Variants in EFCAB5 observed in about 807,000 individuals in gnomAD.
EFCAB5 encodes the protein EF-hand calcium-binding domain-containing protein 5.
Under a neutral mutation model 167.9 loss-of-function variants are expected in EFCAB5, and 131 were observed. The observed-to-expected ratio is 0.78, with a 90% CI of 0.68 to 0.90. EFCAB5 has a LOEUF of 0.90. EFCAB5 is among the 40% of genes least tolerant of loss of function. EFCAB5 has a pLI of 0.00. For synonymous variants in EFCAB5, 574 were observed against 602.8 expected, an observed-to-expected ratio of 0.95 and a Z score of 0.70; for missense variants, 1,663 against 1,745.2, an observed-to-expected ratio of 0.95 and a Z score of 0.84.
At chr17:30,084,649 C>A (rs539234492) in intron 18 of EFCAB5, among the ~76,000 whole-genome samples, 8 of 152,168 alleles carry the variant, frequency 5.3e-5, no homozygotes, top group Non-Finnish European at 1.2e-4. Flanking sequence ...AAGCACTCAA[C>A]GATCATAACT....
rs575015246 is a variant in EFCAB5, at chr17:29,944,029, C to T, written c.190+380C>T. Among the ~76,000 whole-genome samples, 4 of 152,128 alleles carry T rather than the reference C, an allele frequency of 2.6e-5. No homozygotes were observed. The South Asian group carries it at 6.2e-4, about 24-fold the overall frequency. Reference sequence around the variant, plus strand: ...TATCATTAACATTTTACTGGGGATGCGTTCTTCAAGATTTTGCATTTTAAA... The same window carrying T: ...TATCATTAACATTTTACTGGGGATGTGTTCTTCAAGATTTTGCATTTTAAA... On this transcript the variant is annotated intron_variant, in intron 3 of 22. Coordinates refer to ENST00000394835, the MANE Select transcript of EFCAB5 (RefSeq NM_198529.4).
chr17:30,064,384 T>C (rs1444185019), intron 14 of EFCAB5, among the ~76,000 whole-genome samples: 2 of 151,816 alleles, frequency 1.3e-5, no homozygotes, highest in African/African-American at 4.8e-5. Flanking sequence ...AAAAATACAA[T>C]AGAGAGCTTC....
intron 22 of EFCAB5, among the ~76,000 whole-genome samples, chr17:30,104,738 A>C (rs544833372): frequency 1.3e-5 from 2 of 152,256 alleles, no homozygotes; most frequent in African/African-American, 4.8e-5. Flanking sequence ...GGCTCATTAG[A>C]GGAATCGTTA....
intron 7 of EFCAB5, among the ~76,000 whole-genome samples, chr17:30,006,098 C>T (rs747621107): frequency 1.3e-5 from 2 of 152,110 alleles, no homozygotes; most frequent in Non-Finnish European, 2.9e-5. Flanking sequence ...TGTATAAAAC[C>T]AAACTGTAAT....
In EFCAB5 at chr17:30,003,660, TTTTA is replaced by T. The variant is rs539054376; in HGVS notation, c.1044+3688_1044+3691del. Among the ~76,000 whole-genome samples, 892 of 152,306 alleles carry T rather than the reference TTTTA, an allele frequency of 5.9e-3. 7 individuals are homozygous for T. The highest frequency in any genetic ancestry group is 0.02 in the Middle Eastern group (6 of 294). On this transcript the variant is annotated intron_variant, in intron 7 of 22. Coordinates refer to ENST00000394835, the MANE Select transcript of EFCAB5 (RefSeq NM_198529.4). The stretch of plus-strand genomic sequence containing the variant: ...CAAAATTTTCGTTTTTCTTCATGTC[TTTTA>T]TTTCTTTGCTGAGACTTTTAAGTTT...
chr17:30,067,334 G>C (rs2070600089), intron 14 of EFCAB5, among the ~76,000 whole-genome samples: 1 of 152,126 alleles, frequency 6.6e-6, no homozygotes, highest in Admixed American at 6.5e-5. Context: ...TAAAAGAAAG[G>C]CTGGGTGTGG....
At chr17:30,069,013 G>A in intron 14 of EFCAB5, 3 of 1,419,148 alleles carry the variant, frequency 2.1e-6, no homozygotes, top group Non-Finnish European at 3.0e-6. Context: ...GCAAGTGAAG[G>A]AGCACAGGAC....
chr17:29,990,619 A>T (rs1454433315), intron 4 of EFCAB5, among the ~76,000 whole-genome samples: 1 of 152,222 alleles, frequency 6.6e-6, no homozygotes, highest in East Asian at 1.9e-4. Context: ...ATTCTTTAAC[A>T]GTCTCATTAC....
chr17:30,082,633 C>T (rs1312447693), intron 17 of EFCAB5, among the ~76,000 whole-genome samples: 4 of 152,010 alleles, frequency 2.6e-5, no homozygotes, highest in Admixed American at 6.5e-5. Flanking sequence ...TCAAGTGATC[C>T]GCCCTGCCTT....
chr17:30,050,564 G>A (rs370480505), intron 8 of EFCAB5, among the ~76,000 whole-genome samples: 60 of 152,256 alleles, frequency 3.9e-4, no homozygotes, highest in African/African-American at 1.3e-3. Flanking sequence ...GGAGTGGCTA[G>A]GACTACAGGT....
chr17:29,989,025 T>C (rs1328763801), intron 4 of EFCAB5, among the ~76,000 whole-genome samples: 4 of 152,190 alleles, frequency 2.6e-5, no homozygotes, highest in African/African-American at 7.2e-5. Context: ...TAGAATCTCC[T>C]CTAAGGATAG....
intron 4 of EFCAB5, among the ~76,000 whole-genome samples, chr17:29,976,052 G>A (rs147093873): frequency 0.013 from 1,990 of 152,260 alleles, 63 homozygotes; most frequent in Admixed American, 0.073. Context: ...TTCTTGCAGT[G>A]CAATAAATTA....
chr17:30,053,236 A>G lies in EFCAB5; in HGVS notation c.1301-19A>G. The G allele has an allele frequency of 6.4e-7, 1 of 1,565,918 alleles. No individual in the cohort carries two copies. Among genetic ancestry groups the G allele is most frequent in the Non-Finnish European group, 8.6e-7 (1 of 1,158,010 alleles). On this transcript the variant is annotated intron_variant, in intron 9 of 22. Coordinates refer to ENST00000394835, the MANE Select transcript of EFCAB5 (RefSeq NM_198529.4). ...TATAAGATCAATGGTTTAAGTGAAT[A>G]TTTTGTTTTCTGCATTAGGGCCATT...
At chr17:30,104,716 C>G (rs1488321990) in intron 22 of EFCAB5, among the ~76,000 whole-genome samples, 2 of 152,114 alleles carry the variant, frequency 1.3e-5, no homozygotes, top group Admixed American at 1.3e-4. Context: ...GGGAACCCAG[C>G]AGAGCGCTGG....
At chr17:30,071,560 T>G (rs1418153432) in intron 14 of EFCAB5, among the ~76,000 whole-genome samples, 2 of 151,916 alleles carry the variant, frequency 1.3e-5, no homozygotes, top group African/African-American at 4.8e-5. Flanking sequence ...GGGATGTAAA[T>G]TAGTAGAGCC....
chr17:30,085,711 C>T (rs1184845170), intron 18 of EFCAB5, among the ~76,000 whole-genome samples: 71 of 123,598 alleles, frequency 5.7e-4, no homozygotes, highest in Non-Finnish European at 1.0e-3. Flanking sequence ...CACAGCGAGA[C>T]TCCGTCTCAA....
chr17:30,104,418 T>A (rs1329751377), intron 22 of EFCAB5, among the ~76,000 whole-genome samples: 1 of 152,142 alleles, frequency 6.6e-6, no homozygotes, highest in Non-Finnish European at 1.5e-5. Flanking sequence ...TAATTAAAAG[T>A]TTGATTAAAC....
chr17:30,063,326 TTG>T (rs1041189260), intron 14 of EFCAB5, among the ~76,000 whole-genome samples: 10 of 152,224 alleles, frequency 6.6e-5, no homozygotes, highest in African/African-American at 2.4e-4. Flanking sequence ...TTCCATGGTC[TTG>T]TGTCACTACT....
chr17:30,042,043 C>G (rs2069788247), intron 8 of EFCAB5, among the ~76,000 whole-genome samples: 1 of 151,410 alleles, frequency 6.6e-6, no homozygotes, highest in South Asian at 2.1e-4. Context: ...GAGTATCGCT[C>G]TGTCTCCCAG....
Sources: allele counts gnomAD v4.1 joint callset (sites outside exome capture counted in the v4.1 genomes callset), GRCh38; gene constraint gnomAD v4.1.1; transcripts MANE v1.5; gene names NCBI Gene and HGNC (gene_info 2026-07-23, HGNC 2026-07-21).